Variants in ZNF578 observed in about 807,000 individuals in gnomAD.
The protein encoded by ZNF578 is zinc finger protein 578, also known as Putative chemokine-related protein B42.
In ZNF578, 8 loss-of-function variants were observed where a neutral mutation model predicts 8.3. That is an observed-to-expected ratio of 0.96 (90% CI 0.56 to 1.74). ZNF578 has a LOEUF of 1.74. Ranked by LOEUF, ZNF578 falls within the 40% of genes most tolerant of loss-of-function variation. The pLI is 0.00. For synonymous variants in ZNF578, 206 were observed against 232.2 expected (o/e 0.89, Z 1.03); for missense variants, 726 against 707.5 (o/e 1.03, Z -0.30).
chr19:52,505,918 G>C (rs2059424085), intron 5 of ZNF578, among the ~76,000 whole-genome samples: 1 of 149,510 alleles, frequency 6.7e-6, no homozygotes, highest in Non-Finnish European at 1.5e-5. Context: ...TTTTTTTTGA[G>C]TCAGAGTCTC....
chr19:52,476,609 G>T (rs985266305), intron 2 of ZNF578, among the ~76,000 whole-genome samples: 5 of 152,074 alleles, frequency 3.3e-5, no homozygotes, highest in African/African-American at 1.2e-4. Context: ...ATTTTCACTT[G>T]TAAGTCTGCT....
At chr19:52,497,739 A>AT (rs1255312554) in intron 3 of ZNF578, among the ~76,000 whole-genome samples, 1 of 152,202 alleles carries the variant, frequency 6.6e-6, no homozygotes, top group African/African-American at 2.4e-5. Context: ...CTTGATAATG[A>AT]TATCAAGGAC....
chr19:52,459,093 G>A (rs1025369282), intron 2 of ZNF578, among the ~76,000 whole-genome samples: 1 of 152,042 alleles, frequency 6.6e-6, no homozygotes, highest in African/African-American at 2.4e-5. Context: ...ATAAGAATTG[G>A]GTTTTCCGGT....
At position 52,492,081 on chromosome 19, in the gene ZNF578, C is replaced by T. The variant is rs147779530; in HGVS notation, c.-20+656C>T. ...GCTGAGGCAGGAGAATGGCGTGAACCCGGAAGTTGGAGCTTGCAGTTAGCC... is the reference window on the plus strand; with the variant it reads ...GCTGAGGCAGGAGAATGGCGTGAACTCGGAAGTTGGAGCTTGCAGTTAGCC... On this transcript the variant is annotated intron_variant, in intron 3 of 5. Transcript: ENST00000421239. Among the ~76,000 whole-genome samples the T allele has an allele frequency of 1.9e-3, 273 of 142,168 alleles. 1 individual carries two copies. Among genetic ancestry groups the T allele is most frequent in the African/African-American group, 6.3e-3 (244 of 38,470 alleles). 93.3% of individuals were successfully genotyped at this position (142,168 alleles called of 152,430 possible).
At chr19:52,475,863 T>C (rs939791924) in intron 2 of ZNF578, among the ~76,000 whole-genome samples, 2 of 152,172 alleles carry the variant, frequency 1.3e-5, no homozygotes, top group African/African-American at 2.4e-5. Context: ...GAATAACTCA[T>C]GTGAGATTTG....
Position 52,478,517 on chromosome 19 carries a change from C to T in ZNF578, c.-121-12807C>T, listed in dbSNP as rs956854363. The stretch of plus-strand genomic sequence containing the variant: ...ACAGGCCAATTTTTATACTCCCTCT[C>T]CTGTTTTTTATTTTCAACTGGTGCT... On this transcript the variant is annotated intron_variant, in intron 2 of 5. Transcript: ENST00000421239. Among the ~76,000 whole-genome samples, 6 of 152,022 alleles carry T rather than the reference C, an allele frequency of 3.9e-5. No homozygotes were observed. The South Asian group carries it at 1.0e-3, about 26-fold the overall frequency.
intron 3 of ZNF578, among the ~76,000 whole-genome samples, chr19:52,498,852 T>G (rs1051370736): frequency 1.3e-5 from 2 of 151,988 alleles, no homozygotes; most frequent in African/African-American, 4.8e-5. Flanking sequence ...CTGGCTAATT[T>G]TTTGTATTTT....
intron 2 of ZNF578, among the ~76,000 whole-genome samples, chr19:52,480,083 G>A (rs1305861727): frequency 6.6e-6 from 1 of 152,096 alleles, no homozygotes; most frequent in Non-Finnish European, 1.5e-5. Flanking sequence ...CAAATTTTTT[G>A]TATTTTTAGT....
chr19:52,477,001 G>A (rs1249116160), intron 2 of ZNF578, among the ~76,000 whole-genome samples: 1 of 152,168 alleles, frequency 6.6e-6, no homozygotes, highest in Admixed American at 6.6e-5. Context: ...CAGAGAATAA[G>A]CAACAATTGA....
At chr19:52,490,019 C>G (rs2059359981) in intron 2 of ZNF578, among the ~76,000 whole-genome samples, 1 of 152,226 alleles carries the variant, frequency 6.6e-6, no homozygotes, top group African/African-American at 2.4e-5. Flanking sequence ...AATAAGAACT[C>G]TGAACATCCC....
chr19:52,501,622 A>AG (rs151124605), intron 3 of ZNF578, among the ~76,000 whole-genome samples: 17,110 of 151,932 alleles, frequency 0.11, 1,025 homozygotes, highest in African/African-American at 0.17. Flanking sequence ...CTGCTCCAGG[A>AG]GGGGGGCGAG....
intron 2 of ZNF578, among the ~76,000 whole-genome samples, chr19:52,462,526 C>T (rs1207175203): frequency 4.6e-5 from 7 of 152,160 alleles, no homozygotes; most frequent in Admixed American, 4.6e-4. Flanking sequence ...TTTTGGTCTG[C>T]TGTAGTCACA....
At position 52,512,104 on chromosome 19, in the gene ZNF578, G is replaced by T. The variant is rs1168856952; in HGVS notation, c.1723G>T (p.Ala575Ser). ...KPYKCNECGK[A>S]HNHLIDSSIK... is the part of the protein sequence containing the mutation. The stretch of plus-strand genomic sequence containing the variant: ...TTACAAGTGTAATGAGTGTGGTAAG[G>T]CTCACAATCACTTGATTGATTCATC... The change falls in exon 6 of 6, where the codon GCT (alanine) becomes TCT (serine). Residue 575 changes from alanine (A) to serine (S), a missense_variant. By Grantham distance (99) the Ala-to-Ser change is moderately conservative. Transcript: ENST00000421239. 1 of 1,611,556 alleles carries T rather than the reference G, an allele frequency of 6.2e-7. No individual in the cohort carries two copies. The highest frequency in any genetic ancestry group is 1.7e-5 in the Admixed American group (1 of 59,810).
At chr19:52,506,207 GTT>G (rs2059425095) in intron 5 of ZNF578, among the ~76,000 whole-genome samples, 1 of 152,070 alleles carries the variant, frequency 6.6e-6, no homozygotes, top group Non-Finnish European at 1.5e-5. Context: ...CCCCATCCGA[GTT>G]TGTTTTTAAG....
intron 2 of ZNF578, among the ~76,000 whole-genome samples, chr19:52,462,509 G>A (rs907328837): frequency 1.3e-5 from 2 of 152,170 alleles, no homozygotes; most frequent in Non-Finnish European, 2.9e-5. Context: ...ATGCCCAATA[G>A]GTATAATTTT....
chr19:52,492,983 A>C (rs2059371671), intron 3 of ZNF578: 1 of 152,278 alleles, frequency 6.6e-6, no homozygotes, highest in African/African-American at 2.4e-5. Flanking sequence ...CACATAGAGC[A>C]AATTGAGATG....
intron 2 of ZNF578, among the ~76,000 whole-genome samples, chr19:52,472,088 A>G (rs953866455): frequency 6.6e-6 from 1 of 152,204 alleles, no homozygotes; most frequent in African/African-American, 2.4e-5. Flanking sequence ...AAAAAGGCAC[A>G]TAGAAATATA....
chr19:52,466,410 C>A (rs1205521842), intron 2 of ZNF578, among the ~76,000 whole-genome samples: 1 of 152,218 alleles, frequency 6.6e-6, no homozygotes, highest in East Asian at 1.9e-4. Context: ...CTTTCCTCCT[C>A]AGAGGCCTCT....
At chr19:52,460,088 G>A (rs906576547) in intron 2 of ZNF578, among the ~76,000 whole-genome samples, 6 of 151,112 alleles carry the variant, frequency 4.0e-5, no homozygotes, top group Admixed American at 1.3e-4. Flanking sequence ...AAATATGTAC[G>A]TGTGTGTGTA....
Sources: allele counts gnomAD v4.1 joint callset (sites outside exome capture counted in the v4.1 genomes callset), GRCh38; gene constraint gnomAD v4.1.1; transcripts MANE v1.5; gene names NCBI Gene and HGNC (gene_info 2026-07-23, HGNC 2026-07-21).